Variants in PAX7 observed in about 807,000 individuals in gnomAD.
PAX7 encodes the protein paired box 7, also known as paired box protein Pax-7.
Under a neutral mutation model 50.7 loss-of-function variants are expected in PAX7, and 18 were observed. The ratio of observed to expected loss-of-function variants is 0.36; its 90% CI spans 0.25 to 0.53. PAX7 has a LOEUF of 0.53. Ranked by LOEUF, PAX7 falls within the 20% of genes least tolerant of loss-of-function variation. PAX7 has a pLI of 0.93. For synonymous variants in PAX7, 310 were observed against 290.4 expected (o/e 1.07, Z -0.69); for missense variants, 644 against 702.9 (o/e 0.92, Z 0.95).
At chr1:18,729,580 C>T (rs1341424609) in intron 7 of PAX7, among the ~76,000 whole-genome samples, 2 of 152,186 alleles carry the variant, frequency 1.3e-5, no homozygotes, top group Admixed American at 6.5e-5. Flanking sequence ...GGCTATTTGG[C>T]GATTGGGACC....
At chr1:18,698,370 C>T (rs2089175352) in intron 5 of PAX7, among the ~76,000 whole-genome samples, 2 of 152,114 alleles carry the variant, frequency 1.3e-5, no homozygotes, top group Admixed American at 1.3e-4. Flanking sequence ...CAAACGCCTC[C>T]TCTCCCTGCA....
Position 18,634,392 on chromosome 1 carries a change from A to G in PAX7, c.175A>G (p.Ile59Val). The change falls in exon 2 of 9, where the codon ATA (isoleucine) becomes GTA (valine). Residue 59 changes from isoleucine (I) to valine (V), a missense_variant. Physicochemically the swap from Ile to Val is conservative, Grantham distance 29. Transcript: ENST00000420770. This position sits in a 1 kb window ranked among gnomAD's most constrained non-coding sequence, Gnocchi z 4.0. ...RPLPNHIRHK[I>V]VEMAHHGIRP... The stretch of plus-strand genomic sequence containing the variant: ...CCTGCCTAACCACATCCGCCACAAG[A>G]TAGTGGAGATGGCCCACCATGGCAT... 3.7e-6 allele frequency: 6 copies of G among 1,614,138 alleles called. No homozygotes were observed. The highest frequency in any genetic ancestry group is 5.1e-6 in the Non-Finnish European group (6 of 1,180,036).
intron 5 of PAX7, among the ~76,000 whole-genome samples, chr1:18,698,030 G>A (rs1452712071): frequency 6.6e-6 from 1 of 151,954 alleles, no homozygotes; most frequent in Non-Finnish European, 1.5e-5. Context: ...AAGGGAAGGA[G>A]GAAGAATGCA....
chr1:18,718,548 C>T (rs2089456130), intron 7 of PAX7, among the ~76,000 whole-genome samples: 1 of 152,094 alleles, frequency 6.6e-6, no homozygotes, highest in Non-Finnish European at 1.5e-5. Flanking sequence ...TAAACCTCTC[C>T]CCAAGTGGAG....
At chr1:18,718,275 C>T (rs145491110) in intron 7 of PAX7, among the ~76,000 whole-genome samples, 24 of 152,196 alleles carry the variant, frequency 1.6e-4, no homozygotes, top group African/African-American at 5.3e-4. Flanking sequence ...CTGCTCAGAG[C>T]GGGGTGCCAG....
In PAX7 at chr1:18,735,336, G is replaced by A. The variant is rs1031308695; in HGVS notation, c.1156-296G>A. On this transcript the variant is annotated intron_variant, in intron 7 of 8. Coordinates refer to ENST00000420770, the MANE Select transcript of PAX7 (RefSeq NM_001135254.2). This position sits in a 1 kb window ranked among gnomAD's most constrained non-coding sequence, Gnocchi z 4.0. Reference sequence around the variant, plus strand: ...TATTCATTCAATAGACAGGCCCAGAGTGACCCTTAGGGCCAGACCCTGGAG... The same window carrying A: ...TATTCATTCAATAGACAGGCCCAGAATGACCCTTAGGGCCAGACCCTGGAG... Among the ~76,000 whole-genome samples the A allele has an allele frequency of 1.3e-5, 2 of 152,148 alleles. No individual in the cohort carries two copies. Among genetic ancestry groups the A allele is most frequent in the African/African-American group, 4.8e-5 (2 of 41,412 alleles).
intron 7 of PAX7, among the ~76,000 whole-genome samples, chr1:18,708,460 T>C (rs936631346): frequency 1.3e-5 from 2 of 151,732 alleles, no homozygotes; most frequent in African/African-American, 4.8e-5. Context: ...GTGGCTGAGG[T>C]GGGAGGATTG....
At position 18,703,215 on chromosome 1, in the gene PAX7, C is replaced by T; in HGVS notation, c.1074C>T (p.Phe358=). The T allele has an allele frequency of 6.2e-7, 1 of 1,614,228 alleles. No individual in the cohort carries two copies. Among genetic ancestry groups the T allele is most frequent in the African/African-American group, 1.3e-5 (1 of 75,074 alleles). Residue 358 remains phenylalanine, a synonymous_variant, in exon 7 of 9, where the codon TTC becomes TTT. Coordinates refer to ENST00000420770, the MANE Select transcript of PAX7 (RefSeq NM_001135254.2). ...TSSAYGARHS[F]SSYSDSFMNP... is the part of the protein sequence containing the mutation. ...CTGCCTACGGAGCCCGCCACAGCTT[C>T]TCCAGCTACTCTGACAGCTTCATGA...
At chr1:18,659,980 C>T (rs1192435023) in intron 4 of PAX7, among the ~76,000 whole-genome samples, 1 of 152,198 alleles carries the variant, frequency 6.6e-6, no homozygotes, top group African/African-American at 2.4e-5. Context: ...GGACCTTACC[C>T]TTCGGCATCT....
intron 4 of PAX7, among the ~76,000 whole-genome samples, chr1:18,637,903 C>T (rs780594129): frequency 1.2e-4 from 18 of 152,358 alleles, no homozygotes; most frequent in African/African-American, 3.8e-4. Flanking sequence ...CACGGGTCTG[C>T]GGCGGGAGGC....
intron 7 of PAX7, among the ~76,000 whole-genome samples, chr1:18,731,242 G>A (rs573945977): frequency 5.4e-4 from 83 of 152,318 alleles, no homozygotes; most frequent in African/African-American, 1.8e-3. Context: ...GTGGGCCAAT[G>A]CTTCCTGCTT....
chr1:18,637,078 C>T (rs2088172205), intron 4 of PAX7, among the ~76,000 whole-genome samples: 1 of 152,174 alleles, frequency 6.6e-6, no homozygotes, highest in Non-Finnish European at 1.5e-5. Flanking sequence ...ACCCTCTCCC[C>T]ATTCTTAGCA....
intron 7 of PAX7, among the ~76,000 whole-genome samples, chr1:18,716,568 T>G (rs61539718): frequency 0.24 from 35,244 of 148,876 alleles, 4,695 homozygotes; most frequent in East Asian, 0.58. Context: ...TCCTCTTTTC[T>G]CCCTTCGCGC....
intron 4 of PAX7, among the ~76,000 whole-genome samples, chr1:18,657,823 C>T (rs1332340252): frequency 6.6e-6 from 1 of 152,164 alleles, no homozygotes; most frequent in East Asian, 1.9e-4. Flanking sequence ...AGACGCCAGC[C>T]TTCTGCTATT....
chr1:18,685,968 C>T (rs556630), intron 4 of PAX7, among the ~76,000 whole-genome samples: 141,988 of 152,244 alleles, frequency 0.93, 66,418 homozygotes, highest in African/African-American at 0.98. Context: ...GGACTTTGCC[C>T]GGCCAACTTG....
At chr1:18,684,847 G>A (rs192216800) in intron 4 of PAX7, among the ~76,000 whole-genome samples, 174 of 152,288 alleles carry the variant, frequency 1.1e-3, no homozygotes, top group African/African-American at 3.7e-3. Context: ...GAGGGTTTCC[G>A]GAGGGTGTGA....
rs933471294 is a variant in PAX7, at chr1:18,691,764, G to A, written c.597G>A (p.Leu199=). ...DGILGDKGNR[L]DEGSDVESEP... ...CTCCTCCGGCTGTAGGGAACCGGCT[G>A]GACGAGGGCTCGGATGTGGAGTCGG... is the stretch of plus-strand genomic sequence containing the variant. Residue 199 remains leucine (L), a synonymous_variant, in exon 5 of 9, where the codon CTG becomes CTA. Coordinates refer to ENST00000420770, the MANE Select transcript of PAX7 (RefSeq NM_001135254.2). 21 of 1,579,662 alleles carry A rather than the reference G, an allele frequency of 1.3e-5. No homozygotes were observed. Among genetic ancestry groups the A allele is most frequent in the Admixed American group, 9.2e-5 (5 of 54,340 alleles).
At chr1:18,729,777 A>C (rs1381418170) in intron 7 of PAX7, among the ~76,000 whole-genome samples, 2 of 152,162 alleles carry the variant, frequency 1.3e-5, no homozygotes, top group Non-Finnish European at 2.9e-5. Context: ...GAGCACACTC[A>C]GGCCAGAGTG....
intron 8 of PAX7, among the ~76,000 whole-genome samples, chr1:18,742,436 A>G (rs962715014): frequency 6.6e-6 from 1 of 152,094 alleles, no homozygotes; most frequent in Non-Finnish European, 1.5e-5. Flanking sequence ...GATTACAGGC[A>G]TGAGCCACCG....
Sources: gnomAD v4.1 joint callset for allele counts (sites outside exome capture counted in the v4.1 genomes callset) on GRCh38, gnomAD v4.1.1 for gene constraint, Gnocchi (gnomAD v3.1) non-coding constraint, MANE v1.5 for transcripts, NCBI Gene and HGNC (gene_info 2026-07-23, HGNC 2026-07-21) for gene names.